The following KCNQ5 variants were observed in gnomAD, a reference collection of about 807,000 sequenced individuals.
KCNQ5 encodes the protein potassium voltage-gated channel subfamily Q member 5, also known as potassium voltage-gated channel subfamily KQT member 5.
In KCNQ5, 30 loss-of-function variants were observed where a neutral mutation model predicts 98.2. The ratio of observed to expected loss-of-function variants is 0.31; its 90% CI spans 0.23 to 0.41. KCNQ5 has a LOEUF of 0.41. Among genes scored for constraint, KCNQ5 ranks in the 10% least tolerant of loss-of-function variants. The pLI, the probability that KCNQ5 is intolerant of heterozygous loss-of-function variation, is 1.00. For missense variants in KCNQ5, 835 were observed against 1,182.5 expected, an observed-to-expected ratio of 0.71 and a Z score of 4.31; for synonymous variants, 458 against 449.4, an observed-to-expected ratio of 1.02 and a Z score of -0.24.
chr6:72,751,954 AG>A (rs1406871270), intron 1 of KCNQ5, among the ~76,000 whole-genome samples: 2 of 152,150 alleles, frequency 1.3e-5, no homozygotes, highest in African/African-American at 4.8e-5. Flanking sequence ...GTAGTTAGCA[AG>A]TAAATGGTGG....
At chr6:72,686,661 G>A (rs1767964826) in intron 1 of KCNQ5, among the ~76,000 whole-genome samples, 1 of 147,902 alleles carries the variant, frequency 6.8e-6, no homozygotes, top group Non-Finnish European at 1.5e-5. Context: ...GCATCTGTAA[G>A]ATGAAATTAT....
chr6:72,837,256 G>T (rs1241888758), intron 1 of KCNQ5, among the ~76,000 whole-genome samples: 1 of 152,064 alleles, frequency 6.6e-6, no homozygotes, highest in Non-Finnish European at 1.5e-5. Context: ...TATGCTCCAG[G>T]TTCTAATATA....
At chr6:72,766,193 T>C (rs1453583418) in intron 1 of KCNQ5, among the ~76,000 whole-genome samples, 2 of 151,880 alleles carry the variant, frequency 1.3e-5, no homozygotes, top group East Asian at 3.9e-4. Context: ...GACAGAGAGA[T>C]AGCAAGAAGA....
chr6:72,632,224 G>T (rs546582147), intron 1 of KCNQ5, among the ~76,000 whole-genome samples: 1 of 142,592 alleles, frequency 7.0e-6, no homozygotes, highest in Non-Finnish European at 1.5e-5. Context: ...TGCAAGCTCC[G>T]CCTCCTGGGT....
intron 3 of KCNQ5, among the ~76,000 whole-genome samples, chr6:73,063,147 G>C (rs1221451467): frequency 6.6e-6 from 1 of 152,178 alleles, no homozygotes; most frequent in African/African-American, 2.4e-5. Context: ...CCTTATAAAA[G>C]ATTCCTAAGT....
intron 1 of KCNQ5, among the ~76,000 whole-genome samples, chr6:72,716,350 C>T (rs901148218): frequency 6.6e-6 from 1 of 152,214 alleles, no homozygotes. Context: ...TGTGGTCATA[C>T]TTTTTATCTG....
chr6:73,038,569 T>TA (rs1389338799), intron 2 of KCNQ5, among the ~76,000 whole-genome samples: 3 of 152,104 alleles, frequency 2.0e-5, no homozygotes, highest in Admixed American at 6.5e-5. Flanking sequence ...GAGTTTTTTT[T>TA]AATCATAAAT....
At chr6:73,055,510 G>C in intron 3 of KCNQ5, 1 of 1,540,618 alleles carries the variant, frequency 6.5e-7, no homozygotes, top group East Asian at 2.3e-5. Flanking sequence ...AGGATCACAG[G>C]TATGCAGACC....
At chr6:72,968,750 T>A (rs1395633931) in intron 1 of KCNQ5, among the ~76,000 whole-genome samples, 1 of 152,238 alleles carries the variant, frequency 6.6e-6, no homozygotes, top group Non-Finnish European at 1.5e-5. Flanking sequence ...TATCCATATA[T>A]ACATATATGC....
chr6:73,190,754 T>A (rs200934928), intron 12 of KCNQ5, 50 bp downstream of exon 12: 1 of 1,331,814 alleles, frequency 7.5e-7, no homozygotes, highest in East Asian at 2.6e-5. Context: ...ATAGAACCTA[T>A]CTAGGAAGAA....
At chr6:73,138,077 C>T (rs1776543758) in intron 10 of KCNQ5, among the ~76,000 whole-genome samples, 1 of 152,168 alleles carries the variant, frequency 6.6e-6, no homozygotes, top group Admixed American at 6.5e-5. Flanking sequence ...GGGAAATGGC[C>T]TTTCAATGAC....
At chr6:72,840,556 C>T (rs898409219) in intron 1 of KCNQ5, among the ~76,000 whole-genome samples, 1 of 152,128 alleles carries the variant, frequency 6.6e-6, no homozygotes, top group Non-Finnish European at 1.5e-5. Context: ...ATACCAGTCA[C>T]TTACTCCAAG....
intron 2 of KCNQ5, among the ~76,000 whole-genome samples, chr6:73,017,717 G>A (rs1394031192): frequency 2.6e-5 from 4 of 152,164 alleles, no homozygotes; most frequent in Non-Finnish European, 4.4e-5. Flanking sequence ...GAACAGAAAA[G>A]AGACTGTGCA....
chr6:73,091,978 C>T (rs1266733240), intron 5 of KCNQ5, among the ~76,000 whole-genome samples: 1 of 151,934 alleles, frequency 6.6e-6, no homozygotes, highest in African/African-American at 2.4e-5. Context: ...GATATGTTTC[C>T]ATTTGTTTGT....
intron 1 of KCNQ5, among the ~76,000 whole-genome samples, chr6:72,891,521 A>G (rs1026023438): frequency 6.6e-6 from 1 of 152,176 alleles, no homozygotes; most frequent in African/African-American, 2.4e-5. Context: ...GAAAAAGGTG[A>G]CAAATTAAAG....
chr6:72,799,848 T>A (rs1308915484), intron 1 of KCNQ5, among the ~76,000 whole-genome samples: 2 of 152,164 alleles, frequency 1.3e-5, no homozygotes, highest in Non-Finnish European at 2.9e-5. Context: ...AGCAACCTCA[T>A]AAAACTCTTC....
Position 73,063,697 on chromosome 6 carries a change from TA to T in KCNQ5, c.617-13624del, listed in dbSNP as rs1243957856. On this transcript the variant is annotated intron_variant, in intron 3 of 13. Coordinates refer to ENST00000370398, the MANE Select transcript of KCNQ5 (RefSeq NM_019842.4). The stretch of plus-strand genomic sequence containing the variant: ...GATAGATAGATAGATGATAGATAGA[TA>T]GATAGATAGATAGATAGATAGATGA... Among the ~76,000 whole-genome samples, 462 of 116,788 alleles carry T rather than the reference TA, an allele frequency of 4.0e-3. 7 individuals are homozygous for T. Among genetic ancestry groups the T allele is most frequent in the East Asian group, 0.02 (68 of 3,332 alleles). The allele number at this position is 116,788 out of a possible 152,430, so 76.6% of individuals were successfully genotyped here. A position where few individuals can be genotyped will look rare whatever the true frequency, so the allele number is the denominator to read the frequency against.
chr6:73,086,339 A>G (rs975941131), intron 5 of KCNQ5, among the ~76,000 whole-genome samples: 2 of 151,896 alleles, frequency 1.3e-5, no homozygotes, highest in East Asian at 1.9e-4. Context: ...CTCCACTCAC[A>G]CTGAGGCCAC....
Position 73,157,566 on chromosome 6 carries a change from G to A in KCNQ5, c.1469-12180G>A, listed in dbSNP as rs1352892649. ...TCCTTGCTGGGTGGTGTCAGAGGAA[G>A]GGAACCAGCGCACCTGGCATGGAGG... On this transcript the variant is annotated intron_variant, in intron 10 of 13. Transcript: ENST00000370398. 11 of 760,126 alleles carry A rather than the reference G, an allele frequency of 1.4e-5. No homozygotes were observed. In the Admixed American group the frequency reaches 1.6e-4, roughly 11 times the overall value. 47.1% of individuals were successfully genotyped at this position (760,126 alleles called of 1,614,324 possible). A position where few individuals can be genotyped will look rare whatever the true frequency, so the allele number is the denominator to read the frequency against.
Sources: gnomAD v4.1 joint callset for allele counts (sites outside exome capture counted in the v4.1 genomes callset) on GRCh38, gnomAD v4.1.1 for gene constraint, MANE v1.5 for transcripts, NCBI Gene and HGNC (gene_info 2026-07-23, HGNC 2026-07-21) for gene names.